The following PDZD2 variants were observed in gnomAD, a reference collection of about 807,000 sequenced individuals.
PDZD2 encodes the protein PDZ domain containing 2.
Under a neutral mutation model 220.7 loss-of-function variants are expected in PDZD2, and 90 were observed. The ratio of observed to expected loss-of-function variants is 0.41; its 90% CI spans 0.34 to 0.49. The LOEUF is 0.49. Among genes scored for constraint, PDZD2 ranks in the 20% least tolerant of loss-of-function variants. The pLI is 0.28. For missense variants in PDZD2, 3,174 were observed against 3,608.5 expected, an observed-to-expected ratio of 0.88 and a Z score of 3.08; for synonymous variants, 1,375 against 1,450.5, an observed-to-expected ratio of 0.95 and a Z score of 1.18.
chr5:31,986,377 A>C (rs1323497418), intron 3 of PDZD2, among the ~76,000 whole-genome samples: 2 of 152,278 alleles, frequency 1.3e-5, no homozygotes, highest in Non-Finnish European at 1.5e-5. Context: ...AATGGACCAC[A>C]CATTTTCTCA....
intron 2 of PDZD2, among the ~76,000 whole-genome samples, chr5:31,810,523 C>T (rs1755048330): frequency 2.6e-5 from 4 of 152,202 alleles, no homozygotes. Flanking sequence ...CCTTGGCCTC[C>T]CAAAGTGCTG....
chr5:31,869,076 G>A (rs1227374224), intron 2 of PDZD2, among the ~76,000 whole-genome samples: 2 of 152,066 alleles, frequency 1.3e-5, no homozygotes. Flanking sequence ...CCCAGCCAAA[G>A]GTCAGTTTTC....
At chr5:31,990,138 G>T (rs984428058) in intron 3 of PDZD2, among the ~76,000 whole-genome samples, 1 of 152,194 alleles carries the variant, frequency 6.6e-6, no homozygotes, top group East Asian at 1.9e-4. Flanking sequence ...GAGTATTTAC[G>T]GCAGCAAGAT....
At chr5:31,878,157 T>C (rs73751248) in intron 2 of PDZD2, among the ~76,000 whole-genome samples, 1,730 of 152,270 alleles carry the variant, frequency 0.011, 31 homozygotes, top group African/African-American at 0.04. Context: ...ACAAGCACCC[T>C]AGCACCTCAC....
intron 2 of PDZD2, chr5:31,908,601 C>A: frequency 1.0e-6 from 1 of 999,912 alleles, no homozygotes. Flanking sequence ...AAACTAGCTT[C>A]ACCAGAGAAG....
At chr5:31,644,779 T>G (rs139232117) in intron 1 of PDZD2, among the ~76,000 whole-genome samples, 1 of 152,198 alleles carries the variant, frequency 6.6e-6, no homozygotes, top group Non-Finnish European at 1.5e-5. Flanking sequence ...AATCAGAAAC[T>G]TAAGATTCTC....
intron 1 of PDZD2, among the ~76,000 whole-genome samples, chr5:31,783,857 T>C (rs529481506): frequency 6.6e-6 from 1 of 152,284 alleles, no homozygotes; most frequent in Admixed American, 6.5e-5. Context: ...TCCAATTTCC[T>C]GGAGAAAGGC....
At chr5:31,692,601 G>T (rs2150129108) in intron 1 of PDZD2, among the ~76,000 whole-genome samples, 1 of 152,342 alleles carries the variant, frequency 6.6e-6, no homozygotes, top group African/African-American at 2.4e-5. Flanking sequence ...ACATCCTCAT[G>T]ACCTTCTGTC....
intron 5 of PDZD2, among the ~76,000 whole-genome samples, chr5:32,002,774 CCA>C (rs1752304019): frequency 1.0e-4 from 3 of 29,954 alleles, no homozygotes; most frequent in African/African-American, 3.1e-4. Flanking sequence ...ACCACACACA[CCA>C]ACACACAACC....
chr5:32,058,978 G>A (rs907890735), intron 12 of PDZD2, among the ~76,000 whole-genome samples: 6 of 152,196 alleles, frequency 3.9e-5, no homozygotes, highest in African/African-American at 1.4e-4. Flanking sequence ...ACAGATGTGA[G>A]GAGGTTAGTT....
chr5:32,064,251 C>G (rs56003258), intron 14 of PDZD2, among the ~76,000 whole-genome samples: 1 of 148,216 alleles, frequency 6.7e-6, no homozygotes, highest in East Asian at 2.0e-4. Context: ...TTTTTTTTTT[C>G]TCTTTTTTGA....
At chr5:31,764,554 G>A (rs985102080) in intron 1 of PDZD2, among the ~76,000 whole-genome samples, 7 of 152,112 alleles carry the variant, frequency 4.6e-5, no homozygotes, top group African/African-American at 7.2e-5. Context: ...AGGAGTGTTC[G>A]GGAAATCTGA....
At chr5:31,698,024 T>C (rs140198862) in intron 1 of PDZD2, among the ~76,000 whole-genome samples, 1 of 151,512 alleles carries the variant, frequency 6.6e-6, no homozygotes, top group African/African-American at 2.4e-5. Flanking sequence ...TGCCTCAGCC[T>C]CCCAAGTAGC....
chr5:31,995,556 T>C lies in PDZD2; in HGVS notation c.979-20T>C. On this transcript the variant is annotated intron_variant, in intron 3 of 24. Coordinates refer to ENST00000438447, the MANE Select transcript of PDZD2 (RefSeq NM_178140.4). ...GTGTCTGTCAACCTCCTTCATGGTGTGCTCACTTTTTCTTCCAAGGAGGAA... is the reference window on the plus strand; with the variant it reads ...GTGTCTGTCAACCTCCTTCATGGTGCGCTCACTTTTTCTTCCAAGGAGGAA... The C allele has an allele frequency of 4.3e-6, 7 of 1,614,046 alleles. No individual in the cohort carries two copies. Among genetic ancestry groups the C allele is most frequent in the Non-Finnish European group, 5.1e-6 (6 of 1,179,924 alleles).
At chr5:32,064,959 CTT>C (rs1740081160) in intron 14 of PDZD2, among the ~76,000 whole-genome samples, 1 of 151,892 alleles carries the variant, frequency 6.6e-6, no homozygotes, top group African/African-American at 2.4e-5. Flanking sequence ...CAGAGCAAGA[CTT>C]TGTCTCAAAA....
chr5:31,845,507 G>A (rs1386712090), intron 2 of PDZD2, among the ~76,000 whole-genome samples: 1 of 152,230 alleles, frequency 6.6e-6, no homozygotes, highest in Non-Finnish European at 1.5e-5. Flanking sequence ...AGAAGAGAGA[G>A]CTAACAGTGG....
chr5:31,649,261 G>A (rs898010348), intron 1 of PDZD2, among the ~76,000 whole-genome samples: 3 of 151,960 alleles, frequency 2.0e-5, no homozygotes, highest in Admixed American at 6.6e-5. Context: ...TGTGATTCAG[G>A]CTCCTTGCCC....
chr5:31,974,251 G>A (rs992210958), intron 2 of PDZD2, among the ~76,000 whole-genome samples: 2 of 152,162 alleles, frequency 1.3e-5, no homozygotes, highest in South Asian at 2.1e-4. Context: ...AAAGTGCTGG[G>A]ATTACAGGCT....
At chr5:31,789,813 G>A (rs1191546822) in intron 1 of PDZD2, among the ~76,000 whole-genome samples, 1 of 152,112 alleles carries the variant, frequency 6.6e-6, no homozygotes, top group Non-Finnish European at 1.5e-5. Flanking sequence ...AGCTGCTTGG[G>A]AGGCTGAGGC....
Sources: allele counts gnomAD v4.1 joint callset (sites outside exome capture counted in the v4.1 genomes callset), GRCh38; gene constraint gnomAD v4.1.1; transcripts MANE v1.5; gene names NCBI Gene and HGNC (gene_info 2026-07-23, HGNC 2026-07-21).